PTPRD: variants seen among roughly 807,000 people sequenced by gnomAD.
PTPRD encodes receptor-type tyrosine-protein phosphatase delta.
PTPRD carries 34 observed loss-of-function variants against 214.5 expected under a neutral mutation model. The ratio of observed to expected loss-of-function variants is 0.16; its 90% CI spans 0.12 to 0.21. PTPRD has a LOEUF of 0.21. Ranked by LOEUF, PTPRD falls within the 10% of genes least tolerant of loss-of-function variation. The pLI, the probability that PTPRD is intolerant of heterozygous loss-of-function variation, is 1.00. For synonymous variants in PTPRD, 1,128 were observed against 845.7 expected (o/e 1.33, Z -5.79); for missense variants, 2,545 against 2,398.7 (o/e 1.06, Z -1.27).
intron 3 of PTPRD, among the ~76,000 whole-genome samples, chr9:10,220,369 C>G (rs2099565057): frequency 6.6e-6 from 1 of 151,886 alleles, no homozygotes; most frequent in Admixed American, 6.6e-5. Context: ...TTCATAGATT[C>G]AGAAACTGAG....
At position 9,380,727 on chromosome 9, in the gene PTPRD, G is replaced by T. The variant is rs1288056720; in HGVS notation, c.-203+16722C>A. On this transcript the variant is annotated intron_variant, in intron 9 of 45. Coordinates refer to ENST00000381196, the MANE Select transcript of PTPRD (RefSeq NM_002839.4). ...TGGATAGCGTTGTCAACAACACTAT[G>T]TACTTGCCGTTTTTCTACCTGACGT... Among the ~76,000 whole-genome samples, 5 of 152,058 alleles carry T rather than the reference G, an allele frequency of 3.3e-5. No homozygotes were observed. In the East Asian group the frequency reaches 9.7e-4, roughly 29 times the overall value.
chr9:9,688,612 G>C (rs1019682424), intron 7 of PTPRD, among the ~76,000 whole-genome samples: 8 of 151,850 alleles, frequency 5.3e-5, no homozygotes, highest in South Asian at 4.1e-4. Context: ...TGAGTGATGA[G>C]GAAATGAAGA....
intron 3 of PTPRD, among the ~76,000 whole-genome samples, chr9:10,104,567 C>A (rs1378745672): frequency 1.3e-5 from 2 of 151,526 alleles, no homozygotes; most frequent in Non-Finnish European, 3.0e-5. Context: ...TTTTGCATAG[C>A]AATTGTGTAT....
intron 7 of PTPRD, among the ~76,000 whole-genome samples, chr9:9,682,075 G>T (rs2097085322): frequency 6.6e-6 from 1 of 151,656 alleles, no homozygotes. Context: ...ATTTGCAGAG[G>T]CTCTAACTTG....
At chr9:8,354,952 T>G (rs929019883) in intron 39 of PTPRD, among the ~76,000 whole-genome samples, 14 of 152,138 alleles carry the variant, frequency 9.2e-5, no homozygotes, top group Admixed American at 2.0e-4. Flanking sequence ...ATAAATGAAT[T>G]AAGTGGTTTT....
At chr9:8,503,623 A>G (rs538459266) in intron 23 of PTPRD, among the ~76,000 whole-genome samples, 14 of 152,292 alleles carry the variant, frequency 9.2e-5, no homozygotes, top group African/African-American at 3.4e-4. Context: ...ACAGCTCCAA[A>G]AAGAAATTGA....
At chr9:10,018,469 G>C (rs1234061126) in intron 4 of PTPRD, among the ~76,000 whole-genome samples, 1 of 143,044 alleles carries the variant, frequency 7.0e-6, no homozygotes, top group Non-Finnish European at 1.5e-5. Context: ...TATTTTTTAA[G>C]CTTTTAAAAA....
intron 5 of PTPRD, among the ~76,000 whole-genome samples, chr9:9,910,176 A>G (rs2078794447): frequency 6.6e-6 from 1 of 151,944 alleles, no homozygotes; most frequent in African/African-American, 2.4e-5. Context: ...GTTACATACA[A>G]AGTACTCATT....
chr9:8,960,271 T>G (rs1042422989), intron 11 of PTPRD, among the ~76,000 whole-genome samples: 1 of 152,104 alleles, frequency 6.6e-6, no homozygotes, highest in Non-Finnish European at 1.5e-5. Flanking sequence ...TGAGAAATAT[T>G]AGTTATTATC....
At chr9:8,435,139 G>A (rs2095289879) in intron 35 of PTPRD, among the ~76,000 whole-genome samples, 1 of 152,232 alleles carries the variant, frequency 6.6e-6, no homozygotes, top group African/African-American at 2.4e-5. Context: ...GCTCTTGAGG[G>A]TGGAGGTGAA....
At chr9:10,285,810 C>T (rs1208773973) in intron 3 of PTPRD, among the ~76,000 whole-genome samples, 2 of 151,786 alleles carry the variant, frequency 1.3e-5, no homozygotes, top group Admixed American at 6.6e-5. Flanking sequence ...CCGGTTTCAC[C>T]GTGTTAGCCA....
chr9:8,974,723 G>A (rs2154335570), intron 11 of PTPRD, among the ~76,000 whole-genome samples: 1 of 152,016 alleles, frequency 6.6e-6, no homozygotes, highest in Admixed American at 6.6e-5. Context: ...AAAGAATAAA[G>A]ATGCAGACAG....
intron 11 of PTPRD, among the ~76,000 whole-genome samples, chr9:8,979,419 A>G (rs7021994): frequency 0.67 from 101,324 of 151,376 alleles, 34,487 homozygotes; most frequent in African/African-American, 0.79. Flanking sequence ...TTTCTTCACA[A>G]CAAAGAAAAT....
intron 11 of PTPRD, among the ~76,000 whole-genome samples, chr9:8,759,936 A>T (rs73421288): frequency 0.048 from 7,369 of 152,132 alleles, 450 homozygotes; most frequent in African/African-American, 0.14. Flanking sequence ...CTATCCAGAC[A>T]CTGTTTGTTG....
intron 3 of PTPRD, among the ~76,000 whole-genome samples, chr9:10,154,576 C>A (rs983198766): frequency 6.6e-6 from 1 of 152,066 alleles, no homozygotes. Context: ...GGTTGTCTTC[C>A]AGAGTTTTTA....
At chr9:8,376,202 C>G in intron 38 of PTPRD, 112 bp from the exon 39 acceptor site, 1 of 1,227,662 alleles carries the variant, frequency 8.1e-7, no homozygotes, top group Non-Finnish European at 1.1e-6. Flanking sequence ...CTTTCTACCA[C>G]CCTGTAGCCT....
intron 12 of PTPRD, among the ~76,000 whole-genome samples, chr9:8,640,061 G>A (rs1214077933): frequency 6.6e-6 from 1 of 152,056 alleles, no homozygotes; most frequent in Non-Finnish European, 1.5e-5. Flanking sequence ...ATCCAGAGTG[G>A]CTGGGAGCAC....
At chr9:8,385,583 T>C (rs992845372) in intron 37 of PTPRD, among the ~76,000 whole-genome samples, 2 of 152,108 alleles carry the variant, frequency 1.3e-5, no homozygotes. Context: ...AGATGGGCTC[T>C]AAGGCAGGAC....
intron 32 of PTPRD, among the ~76,000 whole-genome samples, chr9:8,461,968 G>A (rs971458055): frequency 1.3e-5 from 2 of 151,886 alleles, no homozygotes; most frequent in East Asian, 2.0e-4. Context: ...GTATTCTTAA[G>A]TTCTATTCTC....
Sources: allele counts gnomAD v4.1 joint callset (sites outside exome capture counted in the v4.1 genomes callset), GRCh38; gene constraint gnomAD v4.1.1; transcripts MANE v1.5; gene names NCBI Gene and HGNC (gene_info 2026-07-23, HGNC 2026-07-21).